The following CDH6 variants were observed in gnomAD, a reference collection of about 807,000 sequenced individuals.
The protein encoded by CDH6 is cadherin-6.
In CDH6, 31 loss-of-function variants were observed where a neutral mutation model predicts 78.0. That is an observed-to-expected ratio of 0.40 (90% CI 0.30 to 0.54). CDH6 has a LOEUF of 0.54. Among genes scored for constraint, CDH6 ranks in the 20% least tolerant of loss-of-function variants. CDH6 has a pLI of 0.56. For synonymous variants in CDH6, 376 were observed against 368.8 expected (o/e 1.02, Z -0.23); for missense variants, 724 against 975.9 (o/e 0.74, Z 3.44).
chr5:31,265,424 T>A (rs1047459738), intron 1 of CDH6, among the ~76,000 whole-genome samples: 1 of 152,308 alleles, frequency 6.6e-6, no homozygotes, highest in African/African-American at 2.4e-5. Context: ...AGAAGATGCA[T>A]AATAATGGAA....
At chr5:31,283,801 T>A (rs1226375231) in intron 2 of CDH6, among the ~76,000 whole-genome samples, 2 of 149,726 alleles carry the variant, frequency 1.3e-5, no homozygotes, top group Non-Finnish European at 3.0e-5. Context: ...AAAAATAGAT[T>A]TTCTAGATTC....
intron 1 of CDH6, among the ~76,000 whole-genome samples, chr5:31,237,848 G>A (rs4073461): frequency 0.97 from 147,509 of 152,328 alleles, 71,549 homozygotes; most frequent in East Asian, 1. Flanking sequence ...GTGCAAATGC[G>A]GGCAGCCTAT....
rs1268196000 is a variant in CDH6, at chr5:31,327,917, C to T, written c.*4609C>T. ...AGCCGGAAGTTTATGGTCTCTGCAT[C>T]GTCAATTTAATTTAAGCATTGCTGA... On this transcript the variant is annotated 3_prime_UTR_variant, in exon 12 of 12. Transcript: ENST00000265071. 1.9e-5 allele frequency: 4 copies of T among 215,492 alleles called. No individual in the cohort carries two copies. Among genetic ancestry groups the T allele is most frequent in the Non-Finnish European group, 3.7e-5 (4 of 106,892 alleles). The allele number at this position is 215,492 out of a possible 1,614,324, so 13.3% of individuals were successfully genotyped here.
At chr5:31,250,779 C>A (rs1359211423) in intron 1 of CDH6, 5 of 152,962 alleles carry the variant, frequency 3.3e-5, no homozygotes, top group Non-Finnish European at 7.3e-5. Context: ...CTGGACATCC[C>A]TGTGGCAGTA....
chr5:31,256,578 G>A (rs1326948037), intron 1 of CDH6, among the ~76,000 whole-genome samples: 1 of 152,052 alleles, frequency 6.6e-6, no homozygotes, highest in Non-Finnish European at 1.5e-5. Flanking sequence ...GCTGTCTTTT[G>A]TTTTTGTTTT....
At position 31,305,190 on chromosome 5, in the gene CDH6, A is replaced by G. The variant is rs769888204; in HGVS notation, c.1016A>G (p.Lys339Arg). 9.3e-6 allele frequency: 15 copies of G among 1,611,676 alleles called. No homozygotes were observed. The African/African-American group carries it at 1.9e-4, about 20-fold the overall frequency. ...AACCTCAAGCTCTTGGACTTTGAAAAGAAGAAAGTGTATACCCTTAAAGTG... is the reference window on the plus strand; with the variant it reads ...AACCTCAAGCTCTTGGACTTTGAAAGGAAGAAAGTGTATACCCTTAAAGTG... ...ITVKKLLDFE[K>R]KKVYTLKVEA... The change falls in exon 7 of 12, where the codon AAG becomes AGG. Residue 339 changes from lysine to arginine, a missense_variant. Coordinates refer to ENST00000265071, the MANE Select transcript of CDH6 (RefSeq NM_004932.4).
At chr5:31,265,769 G>GTTTTTTTTTTT (rs35184792) in intron 1 of CDH6, among the ~76,000 whole-genome samples, 1 of 78,406 alleles carries the variant, frequency 1.3e-5, no homozygotes, top group Non-Finnish European at 2.2e-5. Flanking sequence ...TTAAGACAAT[G>GTTTTTTTTTTT]TTTTTTTTTT....
intron 1 of CDH6, among the ~76,000 whole-genome samples, chr5:31,194,314 T>C (rs1461405286): frequency 6.6e-6 from 1 of 152,178 alleles, no homozygotes; most frequent in Non-Finnish European, 1.5e-5. Flanking sequence ...GCCGAGCCGT[T>C]TGGGGCTTGA....
intron 2 of CDH6, among the ~76,000 whole-genome samples, chr5:31,288,593 T>C (rs1353296392): frequency 2.0e-5 from 3 of 152,224 alleles, no homozygotes; most frequent in Non-Finnish European, 2.9e-5. Flanking sequence ...TAGATATTGA[T>C]GCAGTTAAGC....
intron 1 of CDH6, among the ~76,000 whole-genome samples, chr5:31,260,788 C>T (rs977434571): frequency 1.3e-5 from 2 of 152,194 alleles, no homozygotes; most frequent in African/African-American, 4.8e-5. Flanking sequence ...TGACACATTT[C>T]AGTGGAGTTC....
At chr5:31,252,328 G>GGTGTGT (rs5867065) in intron 1 of CDH6, among the ~76,000 whole-genome samples, 10,343 of 148,972 alleles carry the variant, frequency 0.069, 854 homozygotes, top group African/African-American at 0.2. Context: ...ATGTGTGTGT[G>GGTGTGT]GTGTGTGTGT....
intron 7 of CDH6, 101 bp from the exon 8 acceptor site, chr5:31,313,217 A>G (rs1449230819): frequency 3.9e-6 from 4 of 1,031,370 alleles, no homozygotes; most frequent in Non-Finnish European, 5.6e-6. Flanking sequence ...TGCCACAGAT[A>G]CTCTGGGATA....
intron 1 of CDH6, among the ~76,000 whole-genome samples, chr5:31,234,954 G>A (rs898457112): frequency 3.3e-5 from 5 of 152,080 alleles, no homozygotes; most frequent in African/African-American, 1.2e-4. Context: ...CTGTCCCCAA[G>A]CACTCCATTA....
At position 31,313,594 on chromosome 5, in the gene CDH6, C is replaced by T. The variant is rs1738216525; in HGVS notation, c.1390+140C>T. On this transcript the variant is annotated intron_variant, in intron 8 of 11. Coordinates refer to ENST00000265071, the MANE Select transcript of CDH6 (RefSeq NM_004932.4). ...AGGGAAAAAGCCCTGGAGTGGTTTG[C>T]AGTAATGTTTCTTCTAGATATACAT... 5 of 724,894 alleles carry T rather than the reference C, an allele frequency of 6.9e-6. No homozygotes were observed. In the East Asian group the frequency reaches 1.3e-4, roughly 19 times the overall value. 44.9% of individuals were successfully genotyped at this position (724,894 alleles called of 1,614,324 possible).
chr5:31,304,737 C>T (rs1312229791), intron 6 of CDH6, among the ~76,000 whole-genome samples: 1 of 145,698 alleles, frequency 6.9e-6, no homozygotes, highest in Admixed American at 6.9e-5. Flanking sequence ...CATGGAATAA[C>T]CCACTGTGTA....
intron 5 of CDH6, among the ~76,000 whole-genome samples, chr5:31,300,086 T>G (rs917362628): frequency 6.6e-6 from 1 of 152,230 alleles, no homozygotes; most frequent in African/African-American, 2.4e-5. Flanking sequence ...AGTAACTAGG[T>G]ACTTAATCCA....
At position 31,293,968 on chromosome 5, in the gene CDH6, T is replaced by G. The variant is rs1466105916; in HGVS notation, c.235T>G (p.Ser79Ala). The G allele has an allele frequency of 1.3e-6, 2 of 1,582,130 alleles. No homozygotes were observed. Residue 79 changes from serine (S) to alanine (A), a missense_variant, in exon 3 of 12, where the codon TCA (serine) becomes GCA (alanine). By Grantham distance (99) the Ser-to-Ala change is moderately conservative. This residue lies in a region of CDH6 where 446 missense variants were observed against 684.5 expected (regional missense o/e 0.65). Transcript: ENST00000265071. ...SDYQYVGKLH[S>A]DQDRGDGSLK... ...TTTTTTTTTTCTACACTAGTTACAT[T>G]CAGACCAGGATAGAGGAGATGGATC...
At chr5:31,259,633 C>T (rs371612270) in intron 1 of CDH6, among the ~76,000 whole-genome samples, 7 of 152,278 alleles carry the variant, frequency 4.6e-5, no homozygotes, top group African/African-American at 1.7e-4. Context: ...GCAACCTAAA[C>T]CTATAGTTTG....
intron 1 of CDH6, among the ~76,000 whole-genome samples, chr5:31,233,867 T>C (rs1741383436): frequency 6.6e-6 from 1 of 152,216 alleles, no homozygotes; most frequent in Admixed American, 6.5e-5. Flanking sequence ...TTCAAAAATA[T>C]ATTACCTGAC....
Sources: gnomAD v4.1 joint callset for allele counts (sites outside exome capture counted in the v4.1 genomes callset) on GRCh38, gnomAD v4.1.1 for gene constraint, gnomAD v4.1.1 regional missense constraint, MANE v1.5 for transcripts, NCBI Gene and HGNC (gene_info 2026-07-23, HGNC 2026-07-21) for gene names.